The following VPS50 variants were observed in gnomAD, a reference collection of about 807,000 sequenced individuals.
The protein encoded by VPS50 is syndetin.
A neutral mutation model predicts 139.7 loss-of-function variants in VPS50; 70 were observed. The ratio of observed to expected loss-of-function variants is 0.50; its 90% CI spans 0.41 to 0.61. The LOEUF is 0.61. Ranked by LOEUF, VPS50 falls within the 20% of genes least tolerant of loss-of-function variation. VPS50 has a pLI of 0.00. For synonymous variants in VPS50, 365 were observed against 376.7 expected (o/e 0.97, Z 0.36); for missense variants, 921 against 1,133.7 (o/e 0.81, Z 2.69).
chr7:93,241,765 A>T (rs534040248), intron 2 of VPS50, among the ~76,000 whole-genome samples: 2 of 152,176 alleles, frequency 1.3e-5, no homozygotes, highest in Admixed American at 6.6e-5. Context: ...TTCCCTACAC[A>T]GCATAGCTTG....
intron 9 of VPS50, among the ~76,000 whole-genome samples, chr7:93,266,246 A>G (rs1322613254): frequency 6.6e-6 from 1 of 152,198 alleles, no homozygotes; most frequent in African/African-American, 2.4e-5. Context: ...GCAATTGAGT[A>G]ACTCGTCTTC....
intron 1 of VPS50, 84 bp downstream of exon 1, chr7:93,232,584 G>T: frequency 8.0e-7 from 1 of 1,245,224 alleles, no homozygotes; most frequent in Non-Finnish European, 1.2e-6. Context: ...CCAGTGGCGG[G>T]CGGGGATCTA....
chr7:93,347,163 A>G lies in VPS50; in HGVS notation c.2208-1548A>G, dbSNP rs554836353. 4.7e-5 allele frequency among the ~76,000 whole-genome samples: 7 copies of G among 148,940 alleles called. No homozygotes were observed. In the East Asian group the frequency reaches 1.6e-3, roughly 34 times the overall value. ...AAACAACCCCATCAAAAAGTGGGCA[A>G]AGGATATAAATAGACACTTCTCAAA... On this transcript the variant is annotated intron_variant, in intron 23 of 27. Coordinates refer to ENST00000305866, the MANE Select transcript of VPS50 (RefSeq NM_017667.4).
At chr7:93,272,475 A>G (rs1212235392) in intron 10 of VPS50, among the ~76,000 whole-genome samples, 160 bp from the exon 11 acceptor site, 1 of 151,940 alleles carries the variant, frequency 6.6e-6, no homozygotes, top group Non-Finnish European at 1.5e-5. Context: ...ATTGCAATTT[A>G]TAACTTTATT....
At chr7:93,314,806 CAA>C (rs1797375081) in intron 20 of VPS50, among the ~76,000 whole-genome samples, 1 of 151,958 alleles carries the variant, frequency 6.6e-6, no homozygotes, top group South Asian at 2.1e-4. Flanking sequence ...GCATGGGAGA[CAA>C]GAGATCCACT....
chr7:93,267,545 C>T (rs944477754), intron 9 of VPS50, among the ~76,000 whole-genome samples: 8 of 152,156 alleles, frequency 5.3e-5, no homozygotes, highest in African/African-American at 1.9e-4. Context: ...TGGGGAGTCA[C>T]TGGTGAGTAA....
rs1477845703 is a variant in VPS50, at chr7:93,272,883, G to C, written c.801+150G>C. ...CTGAATTAACAGTGATAAAATGGTT[G>C]TTCTTGTAGACTCAGAGGGTATATA... On this transcript the variant is annotated intron_variant, in intron 11 of 27. Coordinates refer to ENST00000305866, the MANE Select transcript of VPS50 (RefSeq NM_017667.4). The C allele has an allele frequency of 1.8e-5, 9 of 506,418 alleles. 1 individual carries two copies. The highest frequency in any genetic ancestry group is 1.2e-4 in the Admixed American group (3 of 25,160). The allele number at this position is 506,418 out of a possible 1,614,324, so 31.4% of individuals were successfully genotyped here. A position where few individuals can be genotyped will look rare whatever the true frequency, so the allele number is the denominator to read the frequency against.
chr7:93,294,427 A>G, intron 13 of VPS50, 118 bp from the exon 14 acceptor site: 3 of 855,354 alleles, frequency 3.5e-6, no homozygotes, highest in Non-Finnish European at 5.1e-6. Context: ...ATAAATATCA[A>G]ACATATTTAC....
chr7:93,327,533 TATTTG>T (rs1392533009), intron 21 of VPS50, among the ~76,000 whole-genome samples: 2 of 152,300 alleles, frequency 1.3e-5, no homozygotes, highest in African/African-American at 2.4e-5. Flanking sequence ...ATATATTGCA[TATTTG>T]ATTTAAGGTT....
At chr7:93,233,828 G>A (rs1794713689) in intron 1 of VPS50, among the ~76,000 whole-genome samples, 1 of 152,170 alleles carries the variant, frequency 6.6e-6, no homozygotes, top group South Asian at 2.1e-4. Context: ...GGAATAATGT[G>A]TGCCTTATGG....
chr7:93,306,105 A>C (rs878970423), intron 18 of VPS50, 101 bp downstream of exon 18: 19 of 789,288 alleles, frequency 2.4e-5, no homozygotes, highest in Admixed American at 6.7e-5. Flanking sequence ...ATTTACTACC[A>C]CCCTGCCTGC....
intron 16 of VPS50, among the ~76,000 whole-genome samples, chr7:93,298,221 C>G (rs1328815882): frequency 6.6e-6 from 1 of 152,146 alleles, no homozygotes; most frequent in East Asian, 1.9e-4. Flanking sequence ...CTTTGAGTTT[C>G]ATGACTGAGA....
At chr7:93,358,025 G>C (rs1453114627) in intron 27 of VPS50, among the ~76,000 whole-genome samples, 1 of 152,120 alleles carries the variant, frequency 6.6e-6, no homozygotes, top group Non-Finnish European at 1.5e-5. Context: ...AGTGTAAAGT[G>C]TGTGATCATC....
intron 1 of VPS50, among the ~76,000 whole-genome samples, chr7:93,238,871 G>A (rs1300845899): frequency 2.0e-5 from 3 of 152,126 alleles, no homozygotes; most frequent in Non-Finnish European, 4.4e-5. Flanking sequence ...GGGGAGAGAA[G>A]GGTGGGTAGG....
At chr7:93,238,822 C>T (rs1035243516) in intron 1 of VPS50, among the ~76,000 whole-genome samples, 3 of 152,024 alleles carry the variant, frequency 2.0e-5, no homozygotes, top group African/African-American at 7.3e-5. Flanking sequence ...ATTGCTTTCT[C>T]ATTTCTTGGA....
At chr7:93,285,829 A>C (rs746914532) in intron 12 of VPS50, among the ~76,000 whole-genome samples, 1 of 152,198 alleles carries the variant, frequency 6.6e-6, no homozygotes. Flanking sequence ...TTGGAATGTG[A>C]AGCATAGTGG....
rs375780858 is a variant in VPS50 at position 93,294,628 on chromosome 7, A to G, written c.1159A>G (p.Ile387Val). The change falls in exon 14 of 28, where the codon ATA becomes GTA. Residue 387 changes from isoleucine (I) to valine (V), a missense_variant. Ile to Val is a conservative substitution (Grantham distance 29). Transcript: ENST00000305866. ...GAAATTAGAACATGGACTTACACGA[A>G]TATGGCAGGTTTGGTTTTTTTAAAA... ...KKKLEHGLTR[I>V]WQDVQLKVKT... 19 of 1,590,580 alleles carry G rather than the reference A, an allele frequency of 1.2e-5. No homozygotes were observed. Among genetic ancestry groups the G allele is most frequent in the Non-Finnish European group, 1.6e-5 (19 of 1,171,214 alleles).
chr7:93,323,661 A>T lies in VPS50; in HGVS notation c.1906A>T (p.Ile636Phe). Reference protein sequence around the residue: ...NILKPIAFDVIHFMSQLFDYY... With the variant: ...NILKPIAFDVFHFMSQLFDYY... ...TCTTAAGCCAATTGCCTTTGATGTT[A>T]TTCATTTCATGTCTCAACTATTTGA... Residue 636 changes from isoleucine to phenylalanine, a missense_variant, in exon 21 of 28, where the codon ATT becomes TTT. By Grantham distance (21) the Ile-to-Phe change is conservative. Transcript: ENST00000305866. The T allele has an allele frequency of 7.3e-7, 1 of 1,360,742 alleles. No homozygotes were observed. Among genetic ancestry groups the T allele is most frequent in the South Asian group, 1.6e-5 (1 of 63,022 alleles). 84.3% of individuals were successfully genotyped at this position (1,360,742 alleles called of 1,614,324 possible).
intron 23 of VPS50, among the ~76,000 whole-genome samples, chr7:93,348,375 T>TA (rs1562899895): frequency 1.3e-5 from 2 of 152,170 alleles, no homozygotes; most frequent in Non-Finnish European, 2.9e-5. Flanking sequence ...AGAAATCCTT[T>TA]AAAAAAATAC....
Sources: gnomAD v4.1 joint callset for allele counts (sites outside exome capture counted in the v4.1 genomes callset) on GRCh38, gnomAD v4.1.1 for gene constraint, MANE v1.5 for transcripts, NCBI Gene and HGNC (gene_info 2026-07-23, HGNC 2026-07-21) for gene names.